Variants in DKK2 observed in about 807,000 individuals in gnomAD.
DKK2 encodes dickkopf-related protein 2.
Under a neutral mutation model 28.1 loss-of-function variants are expected in DKK2, and 11 were observed. The observed-to-expected ratio is 0.39, with a 90% CI of 0.25 to 0.65. The LOEUF is 0.65. Among genes scored for constraint, DKK2 ranks in the 30% least tolerant of loss-of-function variants. DKK2 has a pLI of 0.47. For missense variants in DKK2, 326 were observed against 335.5 expected (o/e 0.97, Z 0.22); for synonymous variants, 135 against 126.5 (o/e 1.07, Z -0.45).
At chr4:106,976,067 T>A (rs1722940935) in intron 1 of DKK2, among the ~76,000 whole-genome samples, 1 of 152,214 alleles carries the variant, frequency 6.6e-6, no homozygotes, top group Non-Finnish European at 1.5e-5. Flanking sequence ...AGTTTCTTAA[T>A]CCTGAGTTCT....
At chr4:106,992,870 ATTG>A (rs1343589988) in intron 1 of DKK2, among the ~76,000 whole-genome samples, 7 of 152,270 alleles carry the variant, frequency 4.6e-5, no homozygotes, top group African/African-American at 1.4e-4. Flanking sequence ...GCTTGTTGCT[ATTG>A]TTGTTGTTGC....
intron 1 of DKK2, among the ~76,000 whole-genome samples, chr4:106,960,762 C>T (rs1722674478): frequency 6.6e-6 from 1 of 152,002 alleles, no homozygotes; most frequent in Admixed American, 6.6e-5. Context: ...TAACTTAAAA[C>T]TAGAGAGAAT....
At chr4:106,962,853 CA>C (rs1722712498) in intron 1 of DKK2, among the ~76,000 whole-genome samples, 1 of 151,846 alleles carries the variant, frequency 6.6e-6, no homozygotes, top group Non-Finnish European at 1.5e-5. Flanking sequence ...TAGCAAACTG[CA>C]CCTCAGATAA....
At chr4:107,035,277 C>T in intron 1 of DKK2, 93 bp downstream of exon 1, 1 of 1,431,952 alleles carries the variant, frequency 7.0e-7, no homozygotes. Context: ...GGGCCACGCT[C>T]CGAATGTTGC....
chr4:106,991,996 C>T (rs1253240206), intron 1 of DKK2, among the ~76,000 whole-genome samples: 10 of 152,142 alleles, frequency 6.6e-5, no homozygotes, highest in Admixed American at 3.3e-4. Context: ...AATAATCCCA[C>T]GAATCCAGAA....
At chr4:106,968,956 A>G (rs1287226780) in intron 1 of DKK2, among the ~76,000 whole-genome samples, 1 of 152,164 alleles carries the variant, frequency 6.6e-6, no homozygotes, top group East Asian at 1.9e-4. Flanking sequence ...TCACAGAAGC[A>G]TAACTAAGGC....
rs71590176 is a variant in DKK2, at chr4:107,027,756, A to ATTTTTTTTTTTTT, written c.222+7601_222+7613dup. Among the ~76,000 whole-genome samples, 568 of 135,150 alleles carry ATTTTTTTTTTTTT rather than the reference A, an allele frequency of 4.2e-3. 21 individuals are homozygous for ATTTTTTTTTTTTT. Among genetic ancestry groups the ATTTTTTTTTTTTT allele is most frequent in the East Asian group, 0.02 (82 of 4,082 alleles). 88.7% of individuals were successfully genotyped at this position (135,150 alleles called of 152,430 possible). Reference sequence around the variant, plus strand: ...TTGCTTATGACCTCCACCTATTATGATTTTTTTTTTTTTGAGACAGAGTCT... The same window carrying ATTTTTTTTTTTTT: ...TTGCTTATGACCTCCACCTATTATGATTTTTTTTTTTTTTTTTTTTTTTTTTGAGACAGAGTCT... On this transcript the variant is annotated intron_variant, in intron 1 of 3. Transcript: ENST00000285311.
In DKK2 at chr4:107,022,544, A is replaced by T. The variant is rs142616805; in HGVS notation, c.222+12826T>A. 6.2e-3 allele frequency among the ~76,000 whole-genome samples: 949 copies of T among 152,206 alleles called. 12 individuals are homozygous for T. Among genetic ancestry groups the T allele is most frequent in the African/African-American group, 0.021 (879 of 41,536 alleles). On this transcript the variant is annotated intron_variant, in intron 1 of 3. Transcript: ENST00000285311. Reference sequence around the variant, plus strand: ...ATGAGCTGTGTGGCTTGAGGGACACAGTAGCGAGAAATAAGATAATTGATG... The same window carrying T: ...ATGAGCTGTGTGGCTTGAGGGACACTGTAGCGAGAAATAAGATAATTGATG...
chr4:106,993,106 T>C (rs565300213), intron 1 of DKK2, among the ~76,000 whole-genome samples: 87 of 152,378 alleles, frequency 5.7e-4, no homozygotes, highest in Middle Eastern at 3.4e-3. Context: ...CTGGCTAAAC[T>C]GGCTTTAGCC....
chr4:107,028,048 T>A (rs572693001), intron 1 of DKK2, among the ~76,000 whole-genome samples: 4 of 152,108 alleles, frequency 2.6e-5, no homozygotes, highest in Admixed American at 1.3e-4. Context: ...CACCGCGCCC[T>A]GCCATGATTG....
intron 1 of DKK2, among the ~76,000 whole-genome samples, chr4:107,024,759 T>C (rs112093136): frequency 3.4e-4 from 52 of 152,194 alleles, no homozygotes; most frequent in African/African-American, 1.2e-3. Flanking sequence ...AACTAAGGCT[T>C]AACGGTGTTA....
intron 1 of DKK2, among the ~76,000 whole-genome samples, chr4:106,954,667 G>T (rs1038483724): frequency 5.3e-5 from 8 of 152,168 alleles, no homozygotes; most frequent in African/African-American, 1.9e-4. Flanking sequence ...GACTACAGGT[G>T]TGTGCCACCA....
intron 1 of DKK2, among the ~76,000 whole-genome samples, chr4:106,947,158 C>A (rs773743267): frequency 1.3e-5 from 2 of 152,012 alleles, no homozygotes; most frequent in African/African-American, 4.8e-5. Flanking sequence ...CATGGGCAAA[C>A]GGGGAAATGA....
intron 1 of DKK2, among the ~76,000 whole-genome samples, chr4:106,942,523 A>T (rs1724715504): frequency 6.6e-6 from 1 of 152,082 alleles, no homozygotes; most frequent in South Asian, 2.1e-4. Flanking sequence ...CTGGCCTCCC[A>T]TTCCAGTAGC....
intron 1 of DKK2, among the ~76,000 whole-genome samples, chr4:106,973,871 C>A (rs1207972245): frequency 6.6e-6 from 1 of 152,082 alleles, no homozygotes; most frequent in Non-Finnish European, 1.5e-5. Flanking sequence ...TGTTTTAGCT[C>A]TTACATTTAA....
At chr4:106,934,004 GTATA>G (rs1022016567) in intron 1 of DKK2, among the ~76,000 whole-genome samples, 3 of 144,922 alleles carry the variant, frequency 2.1e-5, no homozygotes, top group Middle Eastern at 3.3e-3. Context: ...ATATATGTAT[GTATA>G]TATACATATA....
At chr4:106,983,337 G>GAAGAAAGGAAGAAAGAAAGAAAGA (rs1553923101) in intron 1 of DKK2, among the ~76,000 whole-genome samples, 3 of 120,432 alleles carry the variant, frequency 2.5e-5, no homozygotes, top group African/African-American at 9.5e-5. Flanking sequence ...AGGAAGAAAG[G>GAAGAAAGGAAGAAAGAAAGAAAGA]AAGAAAGAAA....
intron 1 of DKK2, among the ~76,000 whole-genome samples, chr4:106,998,469 A>C (rs1030952755): frequency 6.6e-6 from 1 of 152,200 alleles, no homozygotes; most frequent in African/African-American, 2.4e-5. Flanking sequence ...TTCCAGAACA[A>C]TCTCTGAAAT....
chr4:106,970,182 C>T (rs774649628), intron 1 of DKK2, among the ~76,000 whole-genome samples: 19 of 152,070 alleles, frequency 1.2e-4, no homozygotes, highest in Non-Finnish European at 2.5e-4. Flanking sequence ...TTGTCTACTT[C>T]ACAAGGGTAT....
Sources: gnomAD v4.1 joint callset for allele counts (sites outside exome capture counted in the v4.1 genomes callset) on GRCh38, gnomAD v4.1.1 for gene constraint, MANE v1.5 for transcripts, NCBI Gene and HGNC (gene_info 2026-07-23, HGNC 2026-07-21) for gene names.